The following MYCBP2 variants were observed in gnomAD, a reference collection of about 807,000 sequenced individuals.
MYCBP2 encodes E3 ubiquitin-protein ligase MYCBP2.
MYCBP2 carries 120 observed loss-of-function variants against 525.3 expected under a neutral mutation model. The observed-to-expected ratio is 0.23, with a 90% CI of 0.20 to 0.27. MYCBP2 has a LOEUF of 0.27. Among genes scored for constraint, MYCBP2 ranks in the 10% least tolerant of loss-of-function variants. The pLI, the probability that MYCBP2 is intolerant of heterozygous loss-of-function variation, is 1.00. For synonymous variants in MYCBP2, 1,894 were observed against 1,955.8 expected (o/e 0.97, Z 0.83); for missense variants, 4,149 against 5,657.1 (o/e 0.73, Z 8.55).
At chr13:77,108,788 C>T (rs564289110) in intron 55 of MYCBP2, among the ~76,000 whole-genome samples, 24 of 151,934 alleles carry the variant, frequency 1.6e-4, no homozygotes, top group South Asian at 1.2e-3. Context: ...ACTGCAAGCT[C>T]TGCCTCCCAG....
intron 10 of MYCBP2, among the ~76,000 whole-genome samples, chr13:77,262,538 T>C (rs1031241594): frequency 6.6e-6 from 1 of 152,042 alleles, no homozygotes; most frequent in Non-Finnish European, 1.5e-5. Context: ...TAAGCATATA[T>C]AAAGGTTGGA....
chr13:77,058,236 C>T lies in MYCBP2; in HGVS notation c.13311G>A (p.Ser4437=), dbSNP rs774652339. ...AGGCAACCTGAATGGCTGGTGCTGC[C>T]GAGAGCGCTTCGGTGAAACATATCA... ...MCMICFTEAL[S]AAPAIQLDCS... Residue 4437 remains serine (S), a synonymous_variant, in exon 78 of 83, where the codon TCG becomes TCA. Transcript: ENST00000544440. The surrounding 1 kb of genome is among the most constrained non-coding windows in gnomAD (Gnocchi z 4.1). The T allele has an allele frequency of 4.9e-5, 79 of 1,613,696 alleles. No homozygotes were observed. Among genetic ancestry groups the T allele is most frequent in the Non-Finnish European group, 6.2e-5 (73 of 1,179,886 alleles).
chr13:77,315,492 CA>C (rs1353887093), intron 1 of MYCBP2, among the ~76,000 whole-genome samples: 6 of 152,142 alleles, frequency 3.9e-5, no homozygotes, highest in African/African-American at 1.4e-4. Flanking sequence ...ATTTAACATT[CA>C]AAAATTAATT....
At chr13:77,295,708 GA>G (rs1316224081) in intron 2 of MYCBP2, among the ~76,000 whole-genome samples, 2 of 152,174 alleles carry the variant, frequency 1.3e-5, no homozygotes, top group African/African-American at 4.8e-5. Context: ...ATGTTCAATA[GA>G]AAAGAGACTG....
intron 71 of MYCBP2, among the ~76,000 whole-genome samples, chr13:77,067,086 T>G (rs1302351569): frequency 6.6e-6 from 1 of 152,182 alleles, no homozygotes; most frequent in East Asian, 1.9e-4. Flanking sequence ...TTTTATATAG[T>G]CAAATCTATA....
At position 77,243,798 on chromosome 13, in the gene MYCBP2, A is replaced by G; in HGVS notation, c.2527+8T>C. On this transcript the variant is annotated splice_region_variant and intron_variant, in intron 16 of 82. Transcript: ENST00000544440. ...TCAGTGTAGCATAGTATAATCAATCAAAATTACCTAAAAGAAGATCTAAAG... is the reference window on the plus strand; with the variant it reads ...TCAGTGTAGCATAGTATAATCAATCGAAATTACCTAAAAGAAGATCTAAAG... 1 of 1,612,688 alleles carries G rather than the reference A, an allele frequency of 6.2e-7. No homozygotes were observed. Among genetic ancestry groups the G allele is most frequent in the Non-Finnish European group, 8.5e-7 (1 of 1,179,344 alleles).
In MYCBP2 at chr13:77,326,626, C is replaced by A. The variant is rs1482316735; in HGVS notation, c.150G>T (p.Gly50=). 1 of 1,560,866 alleles carries A rather than the reference C, an allele frequency of 6.4e-7. No individual in the cohort carries two copies. Among genetic ancestry groups the A allele is most frequent in the Non-Finnish European group, 8.6e-7 (1 of 1,157,054 alleles). The change falls in exon 1 of 83, where the codon GGG becomes GGT. Residue 50 remains glycine, a synonymous_variant. Coordinates refer to ENST00000544440, the MANE Select transcript of MYCBP2 (RefSeq NM_015057.5). The surrounding 1 kb of genome is among the most constrained non-coding windows in gnomAD (Gnocchi z 4.2). ...CCGCGGCGGGTAGCCCCAGCCCCAGCCCCGCAGCAGCCACGGAGCCGTCGG... is the reference window on the plus strand; with the variant it reads ...CCGCGGCGGGTAGCCCCAGCCCCAGACCCGCAGCAGCCACGGAGCCGTCGG... ...PVPDGSVAAA[G]LGLGLPAADS...
Position 77,281,805 on chromosome 13 carries a change from T to G in MYCBP2, c.595-2894A>C, listed in dbSNP as rs867748331. 7.9e-5 allele frequency among the ~76,000 whole-genome samples: 12 copies of G among 152,196 alleles called. No individual in the cohort carries two copies. In the South Asian group the frequency reaches 1.0e-3, roughly 13 times the overall value. On this transcript the variant is annotated intron_variant, in intron 3 of 82. Transcript: ENST00000544440. ...TCATGACTAAGTGTGATCATAAAAG[T>G]TTAGTTACATCACATTTGGATTTAA...
chr13:77,178,873 C>A (rs1338787141), intron 34 of MYCBP2, among the ~76,000 whole-genome samples: 1 of 152,200 alleles, frequency 6.6e-6, no homozygotes, highest in Non-Finnish European at 1.5e-5. Flanking sequence ...GGGATCTACA[C>A]ATTATAGACT....
chr13:77,171,413 C>T (rs73241420), intron 38 of MYCBP2, 79 bp downstream of exon 38: 4 of 1,367,112 alleles, frequency 2.9e-6, no homozygotes, highest in Non-Finnish European at 4.1e-6. Context: ...TAATAGAAGG[C>T]TCCTCTTCAA....
intron 18 of MYCBP2, among the ~76,000 whole-genome samples, chr13:77,226,448 C>T (rs371205486): frequency 1.3e-4 from 20 of 152,244 alleles, no homozygotes; most frequent in African/African-American, 4.8e-4. Context: ...TAACATATGA[C>T]CTTTATATCA....
At chr13:77,210,278 C>T (rs1178418450) in intron 23 of MYCBP2, among the ~76,000 whole-genome samples, 3 of 151,306 alleles carry the variant, frequency 2.0e-5, no homozygotes, top group Middle Eastern at 6.8e-3. Context: ...CTGCAAATTC[C>T]GCCTCCCAGG....
intron 36 of MYCBP2, among the ~76,000 whole-genome samples, chr13:77,176,076 A>T (rs2059679989): frequency 1.3e-5 from 2 of 151,848 alleles, no homozygotes; most frequent in African/African-American, 4.8e-5. Flanking sequence ...ACAGGAGCTA[A>T]TATTTATTTT....
chr13:77,073,041 A>G (rs2041655246), intron 68 of MYCBP2, among the ~76,000 whole-genome samples: 1 of 152,160 alleles, frequency 6.6e-6, no homozygotes, highest in Non-Finnish European at 1.5e-5. Context: ...TAAAGCATAG[A>G]ATTCAATGGT....
intron 55 of MYCBP2, among the ~76,000 whole-genome samples, chr13:77,104,248 G>C (rs1002214564): frequency 6.6e-6 from 1 of 151,994 alleles, no homozygotes; most frequent in African/African-American, 2.4e-5. Context: ...AAAAAGTGCT[G>C]TTTTCGGCTG....
chr13:77,119,373 A>G (rs1355983136), intron 55 of MYCBP2, among the ~76,000 whole-genome samples: 1 of 152,208 alleles, frequency 6.6e-6, no homozygotes, highest in Admixed American at 6.5e-5. Flanking sequence ...CTGAAATATA[A>G]TAAAGTTTCA....
At position 77,055,553 on chromosome 13, in the gene MYCBP2, C is replaced by T. The variant is rs1292739808; in HGVS notation, c.13647+5G>A. On this transcript the variant is annotated splice_donor_5th_base_variant and intron_variant, in intron 80 of 82. Coordinates refer to ENST00000544440, the MANE Select transcript of MYCBP2 (RefSeq NM_015057.5). ...TAAAACTTCTCAGTATAATTTATAG[C>T]ATACCTTTCTGCATTTGTAGCACAC... The T allele has an allele frequency of 3.7e-6, 6 of 1,611,976 alleles. No individual in the cohort carries two copies. Among genetic ancestry groups the T allele is most frequent in the Non-Finnish European group, 3.4e-6 (4 of 1,178,784 alleles).
chr13:77,068,477 G>T, intron 70 of MYCBP2, 88 bp downstream of exon 70: 1 of 1,448,268 alleles, frequency 6.9e-7, no homozygotes, highest in East Asian at 2.4e-5. Flanking sequence ...CTATACTTAG[G>T]GTCCTTAGAT....
chr13:77,081,520 A>G lies in MYCBP2; in HGVS notation c.11325T>C (p.Asp3775=), dbSNP rs1475978476. The G allele has an allele frequency of 1.9e-6, 3 of 1,613,574 alleles. No individual in the cohort carries two copies. Among genetic ancestry groups the G allele is most frequent in the South Asian group, 2.2e-5 (2 of 91,064 alleles). ...TETFWESGDE[D]KNKTKNITIN... ...TGGTGATGTTCTTAGTTTTGTTTTT[A>G]TCTTCATCTCCTGATTCCCAAAAGG... The change falls in exon 65 of 83, where the codon GAT becomes GAC. Residue 3775 remains aspartate, a synonymous_variant. Coordinates refer to ENST00000544440, the MANE Select transcript of MYCBP2 (RefSeq NM_015057.5). This position sits in a 1 kb window ranked among gnomAD's most constrained non-coding sequence, Gnocchi z 4.6.
Sources: allele counts gnomAD v4.1 joint callset (sites outside exome capture counted in the v4.1 genomes callset), GRCh38; gene constraint gnomAD v4.1.1; non-coding constraint Gnocchi (gnomAD v3.1); transcripts MANE v1.5; gene names NCBI Gene and HGNC (gene_info 2026-07-23, HGNC 2026-07-21).